Variants in ITPKA observed in about 807,000 individuals in gnomAD.
ITPKA encodes the protein IP3 3-kinase A.
Under a neutral mutation model 40.7 loss-of-function variants are expected in ITPKA, and 16 were observed. The ratio of observed to expected loss-of-function variants is 0.39; its 90% CI spans 0.27 to 0.60. ITPKA has a LOEUF of 0.60. ITPKA is among the 20% of genes least tolerant of loss of function. ITPKA has a pLI of 0.50. For missense variants in ITPKA, 540 were observed against 649.3 expected (o/e 0.83, Z 1.83); for synonymous variants, 313 against 289.9 (o/e 1.08, Z -0.81).
intron 4 of ITPKA, 81 bp from the exon 5 acceptor site, chr15:41,502,321 A>T: frequency 7.2e-7 from 1 of 1,385,864 alleles, no homozygotes; most frequent in South Asian, 1.2e-5. Context: ...GTCCCCTGCA[A>T]CTGGGAGGTA....
intron 4 of ITPKA, 67 bp from the exon 5 acceptor site, chr15:41,502,335 C>G: frequency 1.4e-6 from 2 of 1,394,030 alleles, no homozygotes; most frequent in Non-Finnish European, 2.0e-6. Context: ...GGAGGTACCG[C>G]TGCTCTACGC....
chr15:41,501,944 G>T, intron 3 of ITPKA, 53 bp from the exon 4 acceptor site: 5 of 1,593,302 alleles, frequency 3.1e-6, no homozygotes, highest in Non-Finnish European at 4.3e-6. Context: ...AGTGCTCGAA[G>T]GGGTCTCCGT....
In ITPKA at chr15:41,493,933, C is replaced by A; in HGVS notation, c.6C>A (p.Thr2=). 2.0e-6 allele frequency: 2 copies of A among 1,023,290 alleles called. No individual in the cohort carries two copies. The highest frequency in any genetic ancestry group is 2.3e-6 in the Non-Finnish European group (2 of 855,570). 63.4% of individuals were successfully genotyped at this position (1,023,290 alleles called of 1,614,324 possible). M[T]LPGGPTGMAR... is the part of the protein sequence containing the mutation. ...GGCGGCGCCGGCACTGGGAAATGAC[C>A]CTGCCCGGGGGCCCAACGGGCATGG... Residue 2 remains threonine (T), a synonymous_variant, in exon 1 of 7, where the codon ACC becomes ACA. Transcript: ENST00000260386.
At chr15:41,496,322 C>G (rs986279357) in intron 1 of ITPKA, among the ~76,000 whole-genome samples, 4 of 152,192 alleles carry the variant, frequency 2.6e-5, no homozygotes, top group Admixed American at 2.0e-4. Context: ...CAGCCCCTTA[C>G]GCGCGGCCCA....
intron 1 of ITPKA, among the ~76,000 whole-genome samples, chr15:41,495,201 A>C (rs2051062308): frequency 6.6e-6 from 1 of 152,234 alleles, no homozygotes; most frequent in Non-Finnish European, 1.5e-5. Context: ...CCCGCCACTT[A>C]GGGATGTGCG....
rs1332684883 is a variant in ITPKA at position 41,501,626 on chromosome 15, G to A, written c.587-9G>A. 1.9e-6 allele frequency: 3 copies of A among 1,601,732 alleles called. No homozygotes were observed. Among genetic ancestry groups the A allele is most frequent in the Non-Finnish European group, 8.5e-7 (1 of 1,175,226 alleles). Reference sequence around the variant, plus strand: ...GGGCTGGGCGGCGCTGACGGATGCCGGTCCTCAGGGAGTTTTAAGGCGGCG... The same window carrying A: ...GGGCTGGGCGGCGCTGACGGATGCCAGTCCTCAGGGAGTTTTAAGGCGGCG... On this transcript the variant is annotated splice_polypyrimidine_tract_variant and intron_variant, in intron 2 of 6. Coordinates refer to ENST00000260386, the MANE Select transcript of ITPKA (RefSeq NM_002220.3).
chr15:41,502,031 G>A lies in ITPKA; in HGVS notation c.838G>A (p.Glu280Lys). 6.2e-7 allele frequency: 1 copy of A among 1,613,362 alleles called. No homozygotes were observed. The highest frequency in any genetic ancestry group is 8.5e-7 in the Non-Finnish European group (1 of 1,179,950). Residue 280 changes from glutamate (E) to lysine (K), a missense_variant, in exon 4 of 7, where the codon GAG becomes AAG. Transcript: ENST00000260386. ...YLEEELTKAR[E>K]RPKLRKDMYK... ...AGAGGAGGAGCTGACCAAGGCCCGT[G>A]AGCGGCCCAAGCTGCGGAAGGACAT... is the stretch of plus-strand genomic sequence containing the variant.
Position 41,494,100 on chromosome 15 carries a change from G to A in ITPKA, c.173G>A (p.Gly58Glu). Residue 58 changes from glycine (G) to glutamate (E), a missense_variant, in exon 1 of 7, where the codon GGG becomes GAG. Transcript: ENST00000260386. The surrounding 1 kb of genome is among the most constrained non-coding windows in gnomAD (Gnocchi z 7.8). Reference sequence around the variant, plus strand: ...GCCGCGGGGGAGCCCCGGGCCCGCGGGGCCAAGCGGCGTGGGGGACAGGTC... The same window carrying A: ...GCCGCGGGGGAGCCCCGGGCCCGCGAGGCCAAGCGGCGTGGGGGACAGGTC... Reference protein sequence around the residue: ...AAAAGEPRARGAKRRGGQVPN... With the variant: ...AAAAGEPRAREAKRRGGQVPN... The A allele has an allele frequency of 7.7e-7, 1 of 1,301,988 alleles. No individual in the cohort carries two copies. The highest frequency in any genetic ancestry group is 2.9e-4 in the Middle Eastern group (1 of 3,446). The allele number at this position is 1,301,988 out of a possible 1,614,324, so 80.7% of individuals were successfully genotyped here. A position where few individuals can be genotyped will look rare whatever the true frequency, so the allele number is the denominator to read the frequency against.
In ITPKA at chr15:41,494,316, C is replaced by T; in HGVS notation, c.389C>T (p.Ser130Phe). ...LSTSSVSSTGSSSLLEDSEDD... is the reference protein window; with the variant it reads ...LSTSSVSSTGFSSLLEDSEDD... ...ACCTCGTCGGTCTCCTCCACTGGCT[C>T]CTCGTCGCTGCTCGAGGACTCGGAG... The change falls in exon 1 of 7, where the codon TCC becomes TTC. Residue 130 changes from serine (S) to phenylalanine (F), a missense_variant. Transcript: ENST00000260386. The surrounding 1 kb of genome is among the most constrained non-coding windows in gnomAD (Gnocchi z 7.8). 2 of 1,537,410 alleles carry T rather than the reference C, an allele frequency of 1.3e-6. No individual in the cohort carries two copies. Among genetic ancestry groups the T allele is most frequent in the Non-Finnish European group, 1.7e-6 (2 of 1,149,114 alleles).
chr15:41,503,328 CA>C lies in ITPKA; in HGVS notation c.*163del. Reference sequence around the variant, plus strand: ...CACTAAGGGGGGGCACCGCCGATGCCAGGGGTTTTGCCCACCCGGGCCCCAG... The same window carrying C: ...CACTAAGGGGGGGCACCGCCGATGCCGGGGTTTTGCCCACCCGGGCCCCAG... On this transcript the variant is annotated 3_prime_UTR_variant, in exon 7 of 7. Coordinates refer to ENST00000260386, the MANE Select transcript of ITPKA (RefSeq NM_002220.3). 1.6e-6 allele frequency: 1 copy of C among 629,724 alleles called. No homozygotes were observed. The highest frequency in any genetic ancestry group is 2.7e-6 in the Non-Finnish European group (1 of 363,802). 39.0% of individuals were successfully genotyped at this position (629,724 alleles called of 1,614,324 possible). A position where few individuals can be genotyped will look rare whatever the true frequency, so the allele number is the denominator to read the frequency against.
Position 41,503,299 on chromosome 15 carries a change from CA to C in ITPKA, c.*134del. On this transcript the variant is annotated 3_prime_UTR_variant, in exon 7 of 7. Coordinates refer to ENST00000260386, the MANE Select transcript of ITPKA (RefSeq NM_002220.3). ...CACCGGGTCCTGCAGGACCAGGTGC[CA>C]GCCACTAAGGGGGGGCACCGCCGAT... The C allele has an allele frequency of 2.8e-6, 2 of 703,190 alleles. No homozygotes were observed. Among genetic ancestry groups the C allele is most frequent in the Non-Finnish European group, 4.7e-6 (2 of 429,744 alleles). The allele number at this position is 703,190 out of a possible 1,614,324, so 43.6% of individuals were successfully genotyped here. A position where few individuals can be genotyped will look rare whatever the true frequency, so the allele number is the denominator to read the frequency against.
Position 41,501,213 on chromosome 15 carries a change from C to T in ITPKA, c.490-250C>T, listed in dbSNP as rs545001300. On this transcript the variant is annotated intron_variant, in intron 1 of 6. Transcript: ENST00000260386. ...GCAGAGCTGGAGCGCAAACCGGGGGCTTCAGATGCTAAGTCCAGGCTCTTG... is the reference window on the plus strand; with the variant it reads ...GCAGAGCTGGAGCGCAAACCGGGGGTTTCAGATGCTAAGTCCAGGCTCTTG... 7 of 611,090 alleles carry T rather than the reference C, an allele frequency of 1.1e-5. No individual in the cohort carries two copies. In the East Asian group the frequency reaches 9.7e-4, roughly 85 times the overall value. The allele number at this position is 611,090 out of a possible 1,614,324, so 37.9% of individuals were successfully genotyped here. A position where few individuals can be genotyped will look rare whatever the true frequency, so the allele number is the denominator to read the frequency against.
chr15:41,499,633 C>T (rs118115770), intron 1 of ITPKA, among the ~76,000 whole-genome samples: 1,817 of 152,330 alleles, frequency 0.012, 25 homozygotes, highest in African/African-American at 0.029. Flanking sequence ...CTCTCTCCCT[C>T]TTAGAACTCC....
At position 41,501,618 on chromosome 15, in the gene ITPKA, C is replaced by G; in HGVS notation, c.587-17C>G. 1.3e-6 allele frequency: 2 copies of G among 1,596,536 alleles called. No homozygotes were observed. Among genetic ancestry groups the G allele is most frequent in the South Asian group, 1.1e-5 (1 of 88,678 alleles). On this transcript the variant is annotated splice_polypyrimidine_tract_variant and intron_variant, in intron 2 of 6. Coordinates refer to ENST00000260386, the MANE Select transcript of ITPKA (RefSeq NM_002220.3). ...ACGGGAAGGGGCTGGGCGGCGCTGA[C>G]GGATGCCGGTCCTCAGGGAGTTTTA...
intron 1 of ITPKA, among the ~76,000 whole-genome samples, chr15:41,496,683 C>A (rs1401488592): frequency 6.6e-6 from 1 of 152,170 alleles, no homozygotes; most frequent in African/African-American, 2.4e-5. Context: ...ACCTGGATGC[C>A]ATCCCCTCCT....
intron 1 of ITPKA, 73 bp from the exon 2 acceptor site, chr15:41,501,390 C>T: frequency 1.3e-6 from 2 of 1,541,830 alleles, no homozygotes; most frequent in Middle Eastern, 1.7e-4. Flanking sequence ...GTGGCGAGAC[C>T]CTGTTTCAGT....
Sources: gnomAD v4.1 joint callset for allele counts (sites outside exome capture counted in the v4.1 genomes callset) on GRCh38, gnomAD v4.1.1 for gene constraint, Gnocchi (gnomAD v3.1) non-coding constraint, MANE v1.5 for transcripts, NCBI Gene and HGNC (gene_info 2026-07-23, HGNC 2026-07-21) for gene names.